PTPRG: variants seen among roughly 807,000 people sequenced by gnomAD.
PTPRG encodes receptor-type tyrosine-protein phosphatase gamma.
Under a neutral mutation model 165.3 loss-of-function variants are expected in PTPRG, and 102 were observed. The observed-to-expected ratio is 0.62, with a 90% CI of 0.53 to 0.73. The LOEUF is 0.73. PTPRG is among the 30% of genes least tolerant of loss of function. The pLI is 0.00. For synonymous variants in PTPRG, 675 were observed against 669.5 expected (o/e 1.01, Z -0.13); for missense variants, 1,866 against 1,861.4 (o/e 1.00, Z -0.05).
intron 1 of PTPRG, among the ~76,000 whole-genome samples, chr3:61,574,327 C>A (rs1353834925): frequency 6.6e-6 from 1 of 152,288 alleles, no homozygotes; most frequent in Non-Finnish European, 1.5e-5. Context: ...AGTTGGTCAC[C>A]AGATCTACTG....
At chr3:61,873,586 G>T (rs2037643821) in intron 2 of PTPRG, among the ~76,000 whole-genome samples, 1 of 152,090 alleles carries the variant, frequency 6.6e-6, no homozygotes, top group Non-Finnish European at 1.5e-5. Flanking sequence ...TGGGTTATGG[G>T]TTGCCTTTGG....
chr3:61,995,687 CCT>C (rs1559735835), intron 3 of PTPRG, among the ~76,000 whole-genome samples: 1,678 of 87,990 alleles, frequency 0.019, 25 homozygotes, highest in African/African-American at 0.042. Flanking sequence ...CGCCCGCCTT[CCT>C]TCCTTCCTTC....
At chr3:62,238,351 G>A (rs1443127057) in intron 14 of PTPRG, among the ~76,000 whole-genome samples, 2 of 152,100 alleles carry the variant, frequency 1.3e-5, no homozygotes, top group Non-Finnish European at 2.9e-5. Context: ...GATGGGGGTG[G>A]GCTTTAGAAA....
chr3:61,953,145 C>T (rs2039938182), intron 2 of PTPRG, among the ~76,000 whole-genome samples: 1 of 152,148 alleles, frequency 6.6e-6, no homozygotes, highest in South Asian at 2.1e-4. Flanking sequence ...GAAACGCTTT[C>T]CCTCCTCCCA....
At chr3:61,914,323 A>G (rs994559991) in intron 2 of PTPRG, among the ~76,000 whole-genome samples, 8 of 152,176 alleles carry the variant, frequency 5.3e-5, no homozygotes, top group Non-Finnish European at 1.2e-4. Flanking sequence ...TGGGTCTTCT[A>G]CTTTAAGACC....
At chr3:62,063,321 T>C (rs529122243) in intron 4 of PTPRG, among the ~76,000 whole-genome samples, 432 of 152,332 alleles carry the variant, frequency 2.8e-3, no homozygotes, top group African/African-American at 9.9e-3. Flanking sequence ...GGCAGCCCAC[T>C]GTTCTTTTTA....
intron 2 of PTPRG, among the ~76,000 whole-genome samples, chr3:61,862,015 A>C (rs1001208051): frequency 6.6e-6 from 1 of 152,000 alleles, no homozygotes; most frequent in African/African-American, 2.4e-5. Context: ...GGGGTCTCCA[A>C]CTCCACGGAT....
At chr3:62,204,022 A>G in intron 12 of PTPRG, 72 bp downstream of exon 12, 1 of 1,497,420 alleles carries the variant, frequency 6.7e-7, no homozygotes, top group Non-Finnish European at 8.9e-7. Context: ...AAAAATTGGG[A>G]GCAGAAGGTG....
Position 62,233,370 on chromosome 3 carries a change from C to T in PTPRG, c.2375+2059C>T, listed in dbSNP as rs1034446823. ...CCCCTCTCCTTCCCCATGCTCTCTC[C>T]CCAGGCACTTTTGCTGCCTCCTTTC... On this transcript the variant is annotated intron_variant, in intron 14 of 29. Transcript: ENST00000474889. This position sits in a 1 kb window ranked among gnomAD's most constrained non-coding sequence, Gnocchi z 4.7. Among the ~76,000 whole-genome samples, 3 of 152,142 alleles carry T rather than the reference C, an allele frequency of 2.0e-5. No individual in the cohort carries two copies. The highest frequency in any genetic ancestry group is 2.9e-5 in the Non-Finnish European group (2 of 68,002).
chr3:62,120,607 C>A (rs1196942566), intron 5 of PTPRG, among the ~76,000 whole-genome samples: 4 of 151,750 alleles, frequency 2.6e-5, no homozygotes, highest in Non-Finnish European at 4.4e-5. Flanking sequence ...AAAAATTAGC[C>A]AAGAATGGTG....
intron 7 of PTPRG, among the ~76,000 whole-genome samples, chr3:62,159,191 G>A (rs543700370): frequency 2.6e-5 from 4 of 151,942 alleles, no homozygotes; most frequent in African/African-American, 9.7e-5. Context: ...TTATCCAGGC[G>A]TGGTGGCACA....
At chr3:61,582,715 G>A (rs1336720250) in intron 1 of PTPRG, among the ~76,000 whole-genome samples, 4 of 152,192 alleles carry the variant, frequency 2.6e-5, no homozygotes, top group Non-Finnish European at 5.9e-5. Context: ...GAGATGTCCA[G>A]TGGGACGTTA....
chr3:62,157,255 T>A, intron 7 of PTPRG, 31 bp downstream of exon 7: 1 of 1,603,804 alleles, frequency 6.2e-7, no homozygotes, highest in Non-Finnish European at 8.5e-7. Flanking sequence ...GGGGTTTCTG[T>A]GTTTACTTGT....
intron 1 of PTPRG, among the ~76,000 whole-genome samples, chr3:61,706,597 G>A (rs1046697608): frequency 9.9e-5 from 15 of 151,462 alleles, no homozygotes; most frequent in Admixed American, 8.6e-4. Flanking sequence ...GGGTTCAAGC[G>A]ATTCTCTTGC....
chr3:62,159,095 C>G (rs1704646548), intron 7 of PTPRG, among the ~76,000 whole-genome samples: 1 of 151,552 alleles, frequency 6.6e-6, no homozygotes, highest in South Asian at 2.1e-4. Flanking sequence ...GAGGGTGAAG[C>G]AGGAAGAACC....
At chr3:61,966,530 A>G (rs1287283040) in intron 2 of PTPRG, among the ~76,000 whole-genome samples, 5 of 152,200 alleles carry the variant, frequency 3.3e-5, no homozygotes, top group Admixed American at 1.3e-4. Flanking sequence ...AGGTAGAACT[A>G]TGTGATAGGG....
At chr3:62,026,419 G>T (rs115514311) in intron 4 of PTPRG, among the ~76,000 whole-genome samples, 1,827 of 152,138 alleles carry the variant, frequency 0.012, 45 homozygotes, top group East Asian at 0.09. Context: ...TGGCTACCAT[G>T]GGCACCTCCC....
At chr3:61,652,374 G>A (rs17065156) in intron 1 of PTPRG, among the ~76,000 whole-genome samples, 9 of 152,116 alleles carry the variant, frequency 5.9e-5, no homozygotes, top group African/African-American at 9.7e-5. Context: ...CTGCAGATGC[G>A]GAGTGTGTTA....
At chr3:61,758,643 G>A (rs1036060837) in intron 2 of PTPRG, among the ~76,000 whole-genome samples, 1 of 151,966 alleles carries the variant, frequency 6.6e-6, no homozygotes, top group Admixed American at 6.6e-5. Context: ...AGTAGAGACG[G>A]GGTTTCACCA....
Sources: allele counts gnomAD v4.1 joint callset (sites outside exome capture counted in the v4.1 genomes callset), GRCh38; gene constraint gnomAD v4.1.1; non-coding constraint Gnocchi (gnomAD v3.1); transcripts MANE v1.5; gene names NCBI Gene and HGNC (gene_info 2026-07-23, HGNC 2026-07-21).